The following RORA variants were observed in gnomAD, a reference collection of about 807,000 sequenced individuals.
RORA encodes the protein RAR related orphan receptor A, also known as nuclear receptor ROR-alpha.
In RORA, 7 loss-of-function variants were observed where a neutral mutation model predicts 69.5. That is an observed-to-expected ratio of 0.10 (90% confidence interval 0.06 to 0.19). RORA has a LOEUF of 0.19. Among genes scored for constraint, RORA ranks in the 10% least tolerant of loss-of-function variants. The pLI, the probability that RORA is intolerant of heterozygous loss-of-function variation, is 1.00. For missense variants in RORA, 457 were observed against 663.0 expected (o/e 0.69, Z 3.41); for synonymous variants, 261 against 240.8 (o/e 1.08, Z -0.78).
chr15:60,511,968 AG>A lies in RORA; in HGVS notation c.425-348del. 2 of 234,426 alleles carry A rather than the reference AG, an allele frequency of 8.5e-6. No individual in the cohort carries two copies. The highest frequency in any genetic ancestry group is 1.7e-5 in the Non-Finnish European group (2 of 118,722). The allele number at this position is 234,426 out of a possible 1,614,324, so 14.5% of individuals were successfully genotyped here. On this transcript the variant is annotated intron_variant, in intron 4 of 10. Transcript: ENST00000335670. The surrounding 1 kb of genome is among the most constrained non-coding windows in gnomAD (Gnocchi z 6.4). Reference sequence around the variant, plus strand: ...GGGCTTGTTCACTCTCCCCCCGTGCAGCTGGCTTAGGCTACCTCTTTCTCTC... The same window carrying A: ...GGGCTTGTTCACTCTCCCCCCGTGCACTGGCTTAGGCTACCTCTTTCTCTC...
chr15:61,126,201 T>C (rs2079141250), intron 1 of RORA, among the ~76,000 whole-genome samples: 1 of 152,190 alleles, frequency 6.6e-6, no homozygotes, highest in Non-Finnish European at 1.5e-5. Context: ...CAGATGTCTT[T>C]TCCCCTCCAG....
chr15:60,710,452 C>G (rs927778947), intron 1 of RORA, among the ~76,000 whole-genome samples: 1 of 152,144 alleles, frequency 6.6e-6, no homozygotes, highest in Non-Finnish European at 1.5e-5. Flanking sequence ...GGCGCCATTG[C>G]ACTCCAGCCT....
At chr15:60,931,262 AG>A (rs1595824776) in intron 1 of RORA, among the ~76,000 whole-genome samples, 1 of 152,224 alleles carries the variant, frequency 6.6e-6, no homozygotes, top group African/African-American at 2.4e-5. Flanking sequence ...TTCACTGCCC[AG>A]AGGCACAAAG....
At chr15:61,037,431 T>G (rs554135459) in intron 1 of RORA, among the ~76,000 whole-genome samples, 11 of 152,322 alleles carry the variant, frequency 7.2e-5, no homozygotes, top group African/African-American at 2.4e-4. Context: ...CTATAAGCTG[T>G]ACAGACATCC....
intron 1 of RORA, among the ~76,000 whole-genome samples, chr15:60,711,188 C>T (rs935580566): frequency 1.1e-4 from 17 of 152,168 alleles, no homozygotes; most frequent in Non-Finnish European, 2.5e-4. Flanking sequence ...ACTCCCAACA[C>T]AGTCTCCGTG....
intron 1 of RORA, among the ~76,000 whole-genome samples, chr15:61,124,292 T>C (rs1354327039): frequency 2.0e-5 from 3 of 152,222 alleles, no homozygotes; most frequent in Non-Finnish European, 4.4e-5. Context: ...TTATAATAAT[T>C]CATGCTGGTA....
At chr15:60,680,330 A>G (rs57691592) in intron 1 of RORA, among the ~76,000 whole-genome samples, 4,862 of 152,258 alleles carry the variant, frequency 0.032, 272 homozygotes, top group African/African-American at 0.11. Flanking sequence ...CGACCTATCT[A>G]TATTCGCTGA....
chr15:60,899,907 G>C (rs886553650), intron 1 of RORA, among the ~76,000 whole-genome samples: 3 of 152,198 alleles, frequency 2.0e-5, no homozygotes, highest in Non-Finnish European at 4.4e-5. Context: ...CAGAGTGGGA[G>C]AAGCAGGGTC....
rs200756085 is a variant in RORA, at chr15:60,719,899, G to C, written c.167-41213C>G. Among the ~76,000 whole-genome samples the C allele has an allele frequency of 4.6e-5, 7 of 152,292 alleles. No individual in the cohort carries two copies. In the East Asian group the frequency reaches 1.3e-3, roughly 29 times the overall value. On this transcript the variant is annotated intron_variant, in intron 1 of 10. Coordinates refer to ENST00000335670, the MANE Select transcript of RORA (RefSeq NM_134261.3). Reference sequence around the variant, plus strand: ...AAACATGTTGTGTGCTTCAGAAGAAGCTAGCTTGCTCTAAATATACGGGGC... The same window carrying C: ...AAACATGTTGTGTGCTTCAGAAGAACCTAGCTTGCTCTAAATATACGGGGC...
chr15:61,146,474 AC>A (rs1567010638), intron 1 of RORA, among the ~76,000 whole-genome samples: 166 of 151,910 alleles, frequency 1.1e-3, no homozygotes, highest in African/African-American at 3.9e-3. Context: ...ACACACACAC[AC>A]ACACACACGC....
At chr15:60,704,258 T>A (rs1225058543) in intron 1 of RORA, among the ~76,000 whole-genome samples, 1 of 152,140 alleles carries the variant, frequency 6.6e-6, no homozygotes, top group Non-Finnish European at 1.5e-5. Flanking sequence ...TTTTCATGGT[T>A]TGGTTTGGAG....
At chr15:60,673,318 G>A (rs2140739913) in intron 2 of RORA, among the ~76,000 whole-genome samples, 1 of 152,308 alleles carries the variant, frequency 6.6e-6, no homozygotes, top group South Asian at 2.1e-4. Context: ...GCAGGGCCAA[G>A]TGCAATCCAT....
At position 60,981,847 on chromosome 15, in the gene RORA, T is replaced by C. The variant is rs1894053294; in HGVS notation, c.166+247206A>G. Among the ~76,000 whole-genome samples the C allele has an allele frequency of 3.4e-5, 5 of 149,118 alleles. No individual in the cohort carries two copies. In the South Asian group the frequency reaches 1.1e-3, roughly 31 times the overall value. Reference sequence around the variant, plus strand: ...TACTGTTGATTGCTTTTTTTTTTTCTCCTGGTATGTGCCACTGATGTTTCT... The same window carrying C: ...TACTGTTGATTGCTTTTTTTTTTTCCCCTGGTATGTGCCACTGATGTTTCT... On this transcript the variant is annotated intron_variant, in intron 1 of 10. Coordinates refer to ENST00000335670, the MANE Select transcript of RORA (RefSeq NM_134261.3).
intron 1 of RORA, among the ~76,000 whole-genome samples, chr15:60,936,827 T>C (rs570244464): frequency 3.3e-5 from 5 of 152,278 alleles, no homozygotes; most frequent in Admixed American, 3.3e-4. Context: ...GAGGAGAAAA[T>C]AGTAGAAATG....
intron 1 of RORA, among the ~76,000 whole-genome samples, chr15:60,838,877 CACACACACACAT>C (rs1214314145): frequency 1.3e-3 from 97 of 76,068 alleles, no homozygotes; most frequent in Non-Finnish European, 1.5e-3. Flanking sequence ...CACACACACA[CACACACACACAT>C]ATACTTTTTT....
intron 1 of RORA, among the ~76,000 whole-genome samples, chr15:61,096,925 G>A (rs1374116724): frequency 2.0e-5 from 3 of 152,178 alleles, no homozygotes; most frequent in Non-Finnish European, 2.9e-5. Flanking sequence ...ATTTCAAATC[G>A]ATAAATATTT....
intron 1 of RORA, among the ~76,000 whole-genome samples, chr15:60,695,097 C>T (rs2070883136): frequency 6.6e-6 from 1 of 151,992 alleles, no homozygotes; most frequent in Admixed American, 6.6e-5. Context: ...GATCCCTGTG[C>T]CCATGGTGCT....
chr15:60,565,702 T>A (rs184119263), intron 2 of RORA, among the ~76,000 whole-genome samples: 52 of 152,352 alleles, frequency 3.4e-4, no homozygotes, highest in African/African-American at 1.3e-3. Flanking sequence ...CAGGATTATA[T>A]TAAAACTCAA....
chr15:60,910,062 G>A (rs1462883662), intron 1 of RORA, among the ~76,000 whole-genome samples: 1 of 152,180 alleles, frequency 6.6e-6, no homozygotes, highest in Non-Finnish European at 1.5e-5. Context: ...CTGGCTGTGT[G>A]GAGCCATTCT....
Sources: allele counts gnomAD v4.1 joint callset (sites outside exome capture counted in the v4.1 genomes callset), GRCh38; gene constraint gnomAD v4.1.1; non-coding constraint Gnocchi (gnomAD v3.1); transcripts MANE v1.5; gene names NCBI Gene and HGNC (gene_info 2026-07-23, HGNC 2026-07-21).